Variants in TNFSF14 observed in about 807,000 individuals in gnomAD.
TNFSF14 encodes tumor necrosis factor ligand superfamily member 14.
TNFSF14 carries 15 observed loss-of-function variants against 22.7 expected under a neutral mutation model. The ratio of observed to expected loss-of-function variants is 0.66; its 90% CI spans 0.44 to 1.02. The LOEUF is 1.02. Among genes scored for constraint, TNFSF14 ranks in the 50% least tolerant of loss-of-function variants. TNFSF14 has a pLI of 0.00. For synonymous variants in TNFSF14, 133 were observed against 139.6 expected (o/e 0.95, Z 0.33); for missense variants, 287 against 326.2 (o/e 0.88, Z 0.93).
Position 6,664,500 on chromosome 19 carries a change from G to A in TNFSF14, c.*426C>T, listed in dbSNP as rs575834582. Reference sequence around the variant, plus strand: ...TCCGCCTTTGAGTTTTGGGTTCCCTGGAGTGTCCCCCAAGATCTGTTTCCT... The same window carrying A: ...TCCGCCTTTGAGTTTTGGGTTCCCTAGAGTGTCCCCCAAGATCTGTTTCCT... On this transcript the variant is annotated 3_prime_UTR_variant, in exon 4 of 4. Transcript: ENST00000675206. The surrounding 1 kb of genome is among the most constrained non-coding windows in gnomAD (Gnocchi z 4.7). The A allele has an allele frequency of 6.3e-6, 1 of 157,932 alleles. No individual in the cohort carries two copies. The highest frequency in any genetic ancestry group is 1.8e-4 in the South Asian group (1 of 5,500). 9.8% of individuals were successfully genotyped at this position (157,932 alleles called of 1,614,324 possible). A position where few individuals can be genotyped will look rare whatever the true frequency, so the allele number is the denominator to read the frequency against.
intron 1 of TNFSF14, among the ~76,000 whole-genome samples, chr19:6,669,312 C>T (rs1048381546): frequency 5.3e-5 from 8 of 152,010 alleles, no homozygotes; most frequent in Non-Finnish European, 5.9e-5. Flanking sequence ...AGAGAAGCCC[C>T]ATCTCTACTA....
At chr19:6,669,303 G>C (rs551480259) in intron 1 of TNFSF14, among the ~76,000 whole-genome samples, 1 of 152,208 alleles carries the variant, frequency 6.6e-6, no homozygotes, top group South Asian at 2.1e-4. Context: ...GACAAACATA[G>C]AGAAGCCCCA....
chr19:6,668,535 G>A (rs1290072897), intron 1 of TNFSF14, among the ~76,000 whole-genome samples: 7 of 151,996 alleles, frequency 4.6e-5, no homozygotes, highest in African/African-American at 7.2e-5. Flanking sequence ...GTGAAACCCC[G>A]TCTGTACTAA....
intron 1 of TNFSF14, among the ~76,000 whole-genome samples, chr19:6,667,751 G>T (rs921222821): frequency 6.6e-6 from 1 of 152,238 alleles, no homozygotes; most frequent in Admixed American, 6.5e-5. Context: ...CTAGAGAAAG[G>T]TTTAATAGGT....
intron 3 of TNFSF14, among the ~76,000 whole-genome samples, chr19:6,666,830 G>A (rs1262649007): frequency 3.3e-5 from 5 of 151,854 alleles, no homozygotes; most frequent in African/African-American, 1.2e-4. Flanking sequence ...CCCGGGAGGC[G>A]AAGACTGCAG....
chr19:6,667,408 C>T lies in TNFSF14; in HGVS notation c.256+5G>A. The T allele has an allele frequency of 6.5e-7, 1 of 1,544,446 alleles. No individual in the cohort carries two copies. The highest frequency in any genetic ancestry group is 8.7e-7 in the Non-Finnish European group (1 of 1,154,302). ...TCCTTCCCTGGGGCCAGGACCCTGA[C>T]TCACCTTGTATCAGCTGCTCCCAGG... is the stretch of plus-strand genomic sequence containing the variant. On this transcript the variant is annotated splice_donor_5th_base_variant and intron_variant, in intron 2 of 3. Coordinates refer to ENST00000675206, the MANE Select transcript of TNFSF14 (RefSeq NM_001376887.1).
At position 6,667,093 on chromosome 19, in the gene TNFSF14, G is replaced by A. The variant is rs767851946; in HGVS notation, c.298+20C>T. The A allele has an allele frequency of 2.5e-6, 4 of 1,609,316 alleles. No homozygotes were observed. The highest frequency in any genetic ancestry group is 1.7e-5 in the Admixed American group (1 of 58,882). On this transcript the variant is annotated intron_variant, in intron 3 of 3. Coordinates refer to ENST00000675206, the MANE Select transcript of TNFSF14 (RefSeq NM_001376887.1). Reference sequence around the variant, plus strand: ...ACGCCCTGACCCCTGCCCCTTGCCAGGATCCAGGGTCCCTCTCACCTGTGA... The same window carrying A: ...ACGCCCTGACCCCTGCCCCTTGCCAAGATCCAGGGTCCCTCTCACCTGTGA...
intron 1 of TNFSF14, among the ~76,000 whole-genome samples, chr19:6,668,058 G>T (rs2145376244): frequency 6.6e-6 from 1 of 151,446 alleles, no homozygotes; most frequent in South Asian, 2.1e-4. Flanking sequence ...ATAAATAAAA[G>T]GGTTTAATAA....
chr19:6,670,340 G>A, upstream of TNFSF14: 1 of 1,213,782 alleles, frequency 8.2e-7, no homozygotes, highest in Non-Finnish European at 1.1e-6. Flanking sequence ...GGCAAGTGCA[G>A]TGGGGAGCCC....
In TNFSF14 at chr19:6,667,412, C is replaced by T. The variant is rs1244300457; in HGVS notation, c.256+1G>A. The T allele has an allele frequency of 2.6e-6, 4 of 1,546,320 alleles. No homozygotes were observed. Among genetic ancestry groups the T allele is most frequent in the East Asian group, 2.5e-5 (1 of 40,534 alleles). On this transcript the variant is annotated splice_donor_variant, in intron 2 of 3. Coordinates refer to ENST00000675206, the MANE Select transcript of TNFSF14 (RefSeq NM_001376887.1). LOFTEE classifies it high-confidence loss of function. The stretch of plus-strand genomic sequence containing the variant: ...TCCCTGGGGCCAGGACCCTGACTCA[C>T]CTTGTATCAGCTGCTCCCAGGAGCC...
Position 6,670,058 on chromosome 19 carries a change from A to T in TNFSF14, c.12T>A (p.Ser4Arg). ...CCACAAACACTGAGGGCCGTACGAC[A>T]CTCTCCTCCATGCCCAAGGTGTCTG... Reference protein sequence around the residue: MEESVVRPSVFVVD... With the variant: MEERVVRPSVFVVD... The change falls in exon 1 of 4, where the codon AGT (serine) becomes AGA (arginine). Residue 4 changes from serine to arginine, a missense_variant. Physicochemically the swap from Ser to Arg is moderately radical, Grantham distance 110. Transcript: ENST00000675206. 3 of 1,613,220 alleles carry T rather than the reference A, an allele frequency of 1.9e-6. No individual in the cohort carries two copies. The highest frequency in any genetic ancestry group is 2.5e-6 in the Non-Finnish European group (3 of 1,179,672).
At chr19:6,667,082 G>C (rs1435800320) in intron 3 of TNFSF14, 31 bp downstream of exon 3, 5 of 1,609,424 alleles carry the variant, frequency 3.1e-6, no homozygotes, top group South Asian at 1.1e-5. Context: ...CCTGACCCCT[G>C]CCCCTTGCCA....
At chr19:6,668,504 G>A (rs555795846) in intron 1 of TNFSF14, among the ~76,000 whole-genome samples, 10 of 152,190 alleles carry the variant, frequency 6.6e-5, no homozygotes, top group African/African-American at 2.4e-4. Context: ...TCAGGAGTTC[G>A]AGACAAGTCT....
intron 3 of TNFSF14, among the ~76,000 whole-genome samples, 196 bp from the exon 4 acceptor site, chr19:6,665,546 C>T (rs1157379933): frequency 6.6e-6 from 1 of 152,056 alleles, no homozygotes; most frequent in East Asian, 1.9e-4. Flanking sequence ...GTAGCTGGGA[C>T]TACAGGTGCC....
intron 1 of TNFSF14, 72 bp downstream of exon 1, chr19:6,669,775 GACAC>G: frequency 4.4e-6 from 6 of 1,373,304 alleles, no homozygotes; most frequent in Non-Finnish European, 5.9e-6. Context: ...CACACACACA[GACAC>G]ACAGTGACCC....
chr19:6,667,181 G>A, intron 2 of TNFSF14, 27 bp from the exon 3 acceptor site: 1 of 1,554,136 alleles, frequency 6.4e-7, no homozygotes, highest in Non-Finnish European at 8.7e-7. Flanking sequence ...AGAGGTTAGA[G>A]ACGAAGACAG....
At position 6,665,172 on chromosome 19, in the gene TNFSF14, G is replaced by A; in HGVS notation, c.477C>T (p.Ala159=). 1 of 1,614,152 alleles carries A rather than the reference G, an allele frequency of 6.2e-7. No homozygotes were observed. The highest frequency in any genetic ancestry group is 8.5e-7 in the Non-Finnish European group (1 of 1,180,024). ...LGGVGCPLGL[A]STITHGLYKR... ...TGTAGAGGCCGTGGGTGATGGTGCT[G>A]GCCAGGCCCAGCGGGCAGCCCACAC... The change falls in exon 4 of 4, where the codon GCC becomes GCT. Residue 159 remains alanine (A), a synonymous_variant. Transcript: ENST00000675206.
chr19:6,664,920 C>T lies in TNFSF14; in HGVS notation c.*6G>A. The T allele has an allele frequency of 6.3e-7, 1 of 1,579,244 alleles. No individual in the cohort carries two copies. The highest frequency in any genetic ancestry group is 1.2e-5 in the South Asian group (1 of 86,250). ...GACCCATGTCCAATGCACCACGCTC[C>T]TTCCTTCACACCATGAAAGCCCCGA... On this transcript the variant is annotated 3_prime_UTR_variant, in exon 4 of 4. Transcript: ENST00000675206. This position sits in a 1 kb window ranked among gnomAD's most constrained non-coding sequence, Gnocchi z 4.7.
chr19:6,669,347 G>C (rs550613970), intron 1 of TNFSF14, among the ~76,000 whole-genome samples: 1 of 152,298 alleles, frequency 6.6e-6, no homozygotes, highest in East Asian at 1.9e-4. Flanking sequence ...GCCAGGCGTG[G>C]TGGCGCATGC....
Sources: gnomAD v4.1 joint callset for allele counts (sites outside exome capture counted in the v4.1 genomes callset) on GRCh38, gnomAD v4.1.1 for gene constraint, Gnocchi (gnomAD v3.1) non-coding constraint, MANE v1.5 for transcripts, NCBI Gene and HGNC (gene_info 2026-07-23, HGNC 2026-07-21) for gene names.